Variants in COMMD7 observed in about 807,000 individuals in gnomAD.
COMMD7 encodes the protein COMM domain containing 7.
COMMD7 carries 28 observed loss-of-function variants against 34.8 expected under a neutral mutation model. The observed-to-expected ratio is 0.80, with a 90% CI of 0.60 to 1.10. The LOEUF (loss-of-function observed/expected upper bound fraction) is 1.10, where lower values mean the gene tolerates loss of function less well. Among genes scored for constraint, COMMD7 ranks in the 50% least tolerant of loss-of-function variants. COMMD7 has a pLI of 0.00. For missense variants in COMMD7, 211 were observed against 241.6 expected (o/e 0.87, Z 0.84); for synonymous variants, 80 against 86.4 (o/e 0.93, Z 0.41).
chr20:32,729,294 G>A (rs934545915), intron 1 of COMMD7, among the ~76,000 whole-genome samples: 24 of 150,926 alleles, frequency 1.6e-4, no homozygotes, highest in African/African-American at 5.8e-4. Flanking sequence ...TCAGCCTCCC[G>A]AGCAGCTGGG....
chr20:32,718,987 T>C (rs1265835987), intron 3 of COMMD7, among the ~76,000 whole-genome samples: 2 of 152,166 alleles, frequency 1.3e-5, no homozygotes, highest in East Asian at 3.9e-4. Context: ...GGTGGTTTCT[T>C]AAGGCCACTT....
chr20:32,743,450 T>G lies in COMMD7; in HGVS notation c.-59A>C, dbSNP rs1986556927. 1 of 1,197,896 alleles carries G rather than the reference T, an allele frequency of 8.3e-7. No individual in the cohort carries two copies. The highest frequency in any genetic ancestry group is 1.6e-5 in the African/African-American group (1 of 62,206). The allele number at this position is 1,197,896 out of a possible 1,614,324, so 74.2% of individuals were successfully genotyped here. On this transcript the variant is annotated 5_prime_UTR_variant, in exon 1 of 9. Transcript: ENST00000278980. The stretch of plus-strand genomic sequence containing the variant: ...GCCGCCGCCCTGCTCAGCTTCCTCC[T>G]CCGCTGCCGCTGCCACCGCTGCCGG...
intron 3 of COMMD7, 112 bp downstream of exon 3, chr20:32,727,781 T>A (rs1985600131): frequency 1.2e-6 from 1 of 842,758 alleles, no homozygotes; most frequent in Admixed American, 1.9e-5. Context: ...CACGTCTGGC[T>A]CATTACCAAA....
At chr20:32,725,257 T>A (rs1333992715) in intron 3 of COMMD7, among the ~76,000 whole-genome samples, 1 of 152,098 alleles carries the variant, frequency 6.6e-6, no homozygotes, top group African/African-American at 2.4e-5. Flanking sequence ...ACACTTTTTA[T>A]GGTTTGCTAC....
intron 8 of COMMD7, chr20:32,703,669 C>G: frequency 7.0e-7 from 1 of 1,435,360 alleles, no homozygotes; most frequent in Non-Finnish European, 9.1e-7. Flanking sequence ...AGTGAGTGTT[C>G]AAATGGCACA....
At chr20:32,716,295 AAAGT>A (rs1382893589) in intron 3 of COMMD7, among the ~76,000 whole-genome samples, 183 of 152,300 alleles carry the variant, frequency 1.2e-3, no homozygotes, top group African/African-American at 4.3e-3. Flanking sequence ...ATTCAGGAAT[AAAGT>A]ATGTCTGATA....
intron 3 of COMMD7, 67 bp from the exon 4 acceptor site, chr20:32,706,827 T>C: frequency 2.3e-6 from 3 of 1,315,836 alleles, no homozygotes; most frequent in Non-Finnish European, 3.3e-6. Flanking sequence ...AAGTATTTAA[T>C]GGGCACAACC....
intron 3 of COMMD7, among the ~76,000 whole-genome samples, chr20:32,712,110 A>G (rs1984484040): frequency 6.6e-6 from 1 of 150,632 alleles, no homozygotes; most frequent in South Asian, 2.1e-4. Context: ...TCTCTACTAA[A>G]AATACAAAAA....
At chr20:32,707,937 G>T (rs1261236265) in intron 3 of COMMD7, among the ~76,000 whole-genome samples, 1 of 152,132 alleles carries the variant, frequency 6.6e-6, no homozygotes, top group Non-Finnish European at 1.5e-5. Flanking sequence ...GTCACACAAG[G>T]CCAGTGACCA....
intron 3 of COMMD7, among the ~76,000 whole-genome samples, chr20:32,710,740 A>G (rs927026770): frequency 6.6e-6 from 1 of 151,752 alleles, no homozygotes; most frequent in Non-Finnish European, 1.5e-5. Context: ...AAAAAAAAAA[A>G]AAAAAAAATA....
intron 3 of COMMD7, among the ~76,000 whole-genome samples, chr20:32,719,349 TAAG>T (rs1411944049): frequency 1.3e-5 from 2 of 152,000 alleles, no homozygotes; most frequent in Non-Finnish European, 2.9e-5. Flanking sequence ...GGACAAAGGA[TAAG>T]AAGGGGACAG....
At chr20:32,718,765 T>C (rs1984969553) in intron 3 of COMMD7, among the ~76,000 whole-genome samples, 1 of 151,442 alleles carries the variant, frequency 6.6e-6, no homozygotes, top group African/African-American at 2.4e-5. Context: ...AGCTTTTACT[T>C]GACTCTCCCC....
chr20:32,722,935 C>T (rs1424251617), intron 3 of COMMD7, among the ~76,000 whole-genome samples: 2 of 151,282 alleles, frequency 1.3e-5, no homozygotes, highest in East Asian at 3.9e-4. Context: ...GGCAGAATGG[C>T]GTGAACCTGG....
At chr20:32,725,871 C>T (rs1985477146) in intron 3 of COMMD7, among the ~76,000 whole-genome samples, 1 of 151,232 alleles carries the variant, frequency 6.6e-6, no homozygotes, top group Non-Finnish European at 1.5e-5. Flanking sequence ...GCCAGCATGG[C>T]AAAACCCCAT....
chr20:32,710,324 G>A (rs746965523), intron 3 of COMMD7, among the ~76,000 whole-genome samples: 4 of 152,070 alleles, frequency 2.6e-5, no homozygotes, highest in Non-Finnish European at 4.4e-5. Context: ...CAAAGACTAG[G>A]CTCATTTTGC....
intron 3 of COMMD7, among the ~76,000 whole-genome samples, chr20:32,719,972 T>C (rs1315535407): frequency 1.3e-5 from 2 of 152,128 alleles, no homozygotes; most frequent in African/African-American, 4.8e-5. Flanking sequence ...GAGCAAGCAC[T>C]GTGTTAAGTA....
intron 1 of COMMD7, among the ~76,000 whole-genome samples, chr20:32,732,235 C>T (rs547455891): frequency 6.6e-6 from 1 of 152,224 alleles, no homozygotes; most frequent in East Asian, 1.9e-4. Flanking sequence ...CAGGCACATG[C>T]CACCACATCC....
chr20:32,739,908 G>A (rs1986339888), intron 1 of COMMD7, among the ~76,000 whole-genome samples: 1 of 142,392 alleles, frequency 7.0e-6, no homozygotes, highest in Non-Finnish European at 1.5e-5. Flanking sequence ...TGTAATCTCA[G>A]CTACTTGAGT....
At chr20:32,740,282 A>T (rs1986364620) in intron 1 of COMMD7, among the ~76,000 whole-genome samples, 1 of 148,908 alleles carries the variant, frequency 6.7e-6, no homozygotes, top group South Asian at 2.2e-4. Context: ...ACGCCACTGC[A>T]CTCCAGCCTG....
Sources: allele counts gnomAD v4.1 joint callset (sites outside exome capture counted in the v4.1 genomes callset), GRCh38; gene constraint gnomAD v4.1.1; transcripts MANE v1.5; gene names NCBI Gene and HGNC (gene_info 2026-07-23, HGNC 2026-07-21).